CAST: variants seen among roughly 807,000 people sequenced by gnomAD.
CAST encodes MIR583 host.
Under a neutral mutation model 119.6 loss-of-function variants are expected in CAST, and 76 were observed. The ratio of observed to expected loss-of-function variants is 0.64; its 90% CI spans 0.53 to 0.77. The LOEUF (loss-of-function observed/expected upper bound fraction) is 0.77. CAST is among the 30% of genes least tolerant of loss of function. The pLI is 0.00. For missense variants in CAST, 953 were observed against 946.5 expected (o/e 1.01, Z -0.09); for synonymous variants, 319 against 331.6 (o/e 0.96, Z 0.41).
chr5:96,656,204 GA>G (rs1450267263), intron 1 of CAST, among the ~76,000 whole-genome samples: 3 of 152,268 alleles, frequency 2.0e-5, no homozygotes, highest in Middle Eastern at 3.4e-3. Context: ...AAAAAGTTTG[GA>G]AAAATTACTG....
intron 16 of CAST, 46 bp from the exon 17 acceptor site, chr5:96,746,296 A>G (rs778915372): frequency 9.8e-7 from 1 of 1,017,864 alleles, no homozygotes; most frequent in African/African-American, 1.6e-5. Flanking sequence ...TCATCTCATT[A>G]TGTGCATTAT....
chr5:96,528,717 G>A (rs1745638734), upstream of CAST, among the ~76,000 whole-genome samples: 1 of 152,142 alleles, frequency 6.6e-6, no homozygotes, highest in Admixed American at 6.5e-5. Context: ...AAAAATTATA[G>A]CATGTAAGAC....
chr5:96,493,364 T>C, the CAST span, among the ~76,000 whole-genome samples: 2 of 152,138 alleles, frequency 1.3e-5, no homozygotes, highest in African/African-American at 4.8e-5. Context: ...AGGAATAGAG[T>C]GAAGAGTCCC....
rs375965815 is a variant in CAST, at chr5:96,703,205, TGTGGCCCGGTACAA to T, written c.210+7307_210+7320del. ...GTAGGGTTACAAAACAAGGGATTTG[TGTGGCCCGGTACAA>T]GTGGCCCGAGACAAGTGGCCCGAGA... On this transcript the variant is annotated intron_variant, in intron 3 of 31. Coordinates refer to ENST00000675179, the MANE Select transcript of CAST (RefSeq NM_001750.7). Among the ~76,000 whole-genome samples the T allele has an allele frequency of 4.5e-3, 681 of 152,202 alleles. 8 individuals carry two copies. The highest frequency in any genetic ancestry group is 0.016 in the African/African-American group (647 of 41,530).
chr5:96,105,636 G>A, the CAST span, among the ~76,000 whole-genome samples: 3 of 152,016 alleles, frequency 2.0e-5, no homozygotes, highest in Non-Finnish European at 4.4e-5. Context: ...ATTCGGTTTG[G>A]CAGTATTTTA....
chr5:96,692,199 A>G (rs1752805782), intron 2 of CAST, among the ~76,000 whole-genome samples: 1 of 152,102 alleles, frequency 6.6e-6, no homozygotes, highest in South Asian at 2.1e-4. Flanking sequence ...GAGCTAAGAG[A>G]TCTGTTCAGG....
At chr5:96,733,447 G>A (rs1040301499) in intron 9 of CAST, among the ~76,000 whole-genome samples, 5 of 152,188 alleles carry the variant, frequency 3.3e-5, no homozygotes, top group Non-Finnish European at 7.3e-5. Context: ...TGAGCTAAAT[G>A]TAAATTAACC....
At chr5:96,190,395 C>T in the CAST span, among the ~76,000 whole-genome samples, 1 of 152,132 alleles carries the variant, frequency 6.6e-6, no homozygotes, top group African/African-American at 2.4e-5. Flanking sequence ...GACACCCTGT[C>T]TTCACTCTCC....
intron 3 of CAST, among the ~76,000 whole-genome samples, chr5:96,712,999 G>A (rs1756477575): frequency 6.6e-6 from 1 of 151,996 alleles, no homozygotes; most frequent in Non-Finnish European, 1.5e-5. Flanking sequence ...GCTTGCAGTT[G>A]GTTTTGCAGC....
the CAST span, chr5:96,429,215 G>GATC: frequency 6.8e-7 from 1 of 1,478,040 alleles, no homozygotes; most frequent in Non-Finnish European, 9.5e-7. Context: ...ACACTTACAC[G>GATC]ATCATCATCA....
the CAST span, among the ~76,000 whole-genome samples, chr5:96,292,088 C>A: frequency 2.0e-5 from 3 of 151,974 alleles, no homozygotes; most frequent in African/African-American, 7.3e-5. Context: ...AGGAAAGAGG[C>A]AAACACTGGA....
the CAST span, among the ~76,000 whole-genome samples, chr5:96,170,349 G>A: frequency 2.0e-5 from 3 of 152,182 alleles, no homozygotes; most frequent in African/African-American, 4.8e-5. Context: ...AGCAAGCTGC[G>A]GGAGGAGGTT....
the CAST span, among the ~76,000 whole-genome samples, chr5:96,029,289 T>G: frequency 4.6e-5 from 7 of 152,132 alleles, no homozygotes; most frequent in Non-Finnish European, 8.8e-5. Context: ...TTTTAATATA[T>G]CTATCCATAT....
intron 1 of CAST, chr5:96,663,002 C>A (rs954009792): frequency 1.5e-6 from 1 of 651,340 alleles, no homozygotes; most frequent in African/African-American, 1.8e-5. Context: ...CACCTGGCAG[C>A]CGCCTTGGGA....
the CAST span, among the ~76,000 whole-genome samples, chr5:96,500,008 C>G: frequency 1.3e-5 from 2 of 152,046 alleles, no homozygotes. Context: ...AGGAGAGGGG[C>G]GGGTCCTTGG....
At chr5:96,612,049 C>T (rs1453485523) in intron 1 of CAST, among the ~76,000 whole-genome samples, 8 of 152,148 alleles carry the variant, frequency 5.3e-5, no homozygotes, top group Non-Finnish European at 1.2e-4. Flanking sequence ...CCTTGAAGAA[C>T]TAAAAATAGC....
At chr5:96,088,890 G>A in the CAST span, among the ~76,000 whole-genome samples, 148 of 152,206 alleles carry the variant, frequency 9.7e-4, no homozygotes, top group African/African-American at 3.3e-3. Flanking sequence ...GGCTGGTGGG[G>A]TTGCTGGGAT....
chr5:96,198,795 T>C, the CAST span, among the ~76,000 whole-genome samples: 1 of 152,308 alleles, frequency 6.6e-6, no homozygotes, highest in East Asian at 1.9e-4. Flanking sequence ...TTCCCGGACC[T>C]GTGGATACAG....
intron 1 of CAST, among the ~76,000 whole-genome samples, chr5:96,593,919 TTATTA>T (rs1747008620): frequency 6.6e-6 from 1 of 152,234 alleles, no homozygotes; most frequent in African/African-American, 2.4e-5. Flanking sequence ...CTATGGCATT[TTATTA>T]TAGCAGCTGA....
Sources: allele counts gnomAD v4.1 joint callset (sites outside exome capture counted in the v4.1 genomes callset), GRCh38; gene constraint gnomAD v4.1.1; transcripts MANE v1.5; gene names NCBI Gene and HGNC (gene_info 2026-07-23, HGNC 2026-07-21).